The following SRP54 variants were observed in gnomAD, a reference collection of about 807,000 sequenced individuals.
SRP54 encodes the protein signal recognition particle 54.
Under a neutral mutation model 64.8 loss-of-function variants are expected in SRP54, and 10 were observed. The observed-to-expected ratio is 0.15, with a 90% CI of 0.10 to 0.26. The LOEUF (loss-of-function observed/expected upper bound fraction) is 0.26. Among genes scored for constraint, SRP54 ranks in the 10% least tolerant of loss-of-function variants. SRP54 has a pLI of 1.00. For missense variants in SRP54, 325 were observed against 613.7 expected (o/e 0.53, Z 4.97); for synonymous variants, 193 against 185.6 (o/e 1.04, Z -0.32).
intron 2 of SRP54, among the ~76,000 whole-genome samples, chr14:34,998,848 G>C (rs1025574873): frequency 6.6e-6 from 1 of 150,980 alleles, no homozygotes; most frequent in Non-Finnish European, 1.5e-5. Flanking sequence ...AGCAAATATT[G>C]TAACTATATA....
intron 11 of SRP54, 62 bp downstream of exon 11, chr14:35,014,892 T>A (rs1473386416): frequency 3.2e-6 from 4 of 1,263,694 alleles, no homozygotes; most frequent in Non-Finnish European, 1.1e-6. Flanking sequence ...TTTTATAAAG[T>A]TACTATTAAG....
chr14:34,984,186 T>A (rs944122733), intron 1 of SRP54, among the ~76,000 whole-genome samples: 1 of 152,184 alleles, frequency 6.6e-6, no homozygotes, highest in African/African-American at 2.4e-5. Context: ...TCTTCAAGTC[T>A]TCCTTCCAGA....
intron 7 of SRP54, among the ~76,000 whole-genome samples, chr14:35,011,300 A>G (rs2044353560): frequency 6.6e-6 from 1 of 152,214 alleles, no homozygotes; most frequent in Admixed American, 6.5e-5. Context: ...GTAGAATCAT[A>G]CTGGGTTTTG....
Position 34,988,574 on chromosome 14 carries a change from A to T in SRP54, c.-34+5359A>T, listed in dbSNP as rs1355904112. Among the ~76,000 whole-genome samples, 80 of 98,498 alleles carry T rather than the reference A, an allele frequency of 8.1e-4. 4 individuals carry two copies. The highest frequency in any genetic ancestry group is 2.4e-3 in the African/African-American group (74 of 30,540). 64.6% of individuals were successfully genotyped at this position (98,498 alleles called of 152,430 possible). ...AGACTCCATCTCAAAAAAAAAAAAA[A>T]AAAAATATATATATATATATAACAT... On this transcript the variant is annotated intron_variant, in intron 1 of 15. Transcript: ENST00000216774.
chr14:34,987,516 C>A (rs552197769), intron 1 of SRP54, among the ~76,000 whole-genome samples: 13 of 152,032 alleles, frequency 8.6e-5, no homozygotes, highest in Non-Finnish European at 1.6e-4. Flanking sequence ...GTATTCTGAA[C>A]AATTCATGTG....
intron 5 of SRP54, among the ~76,000 whole-genome samples, chr14:35,008,379 AGTT>A (rs1386991329): frequency 2.0e-5 from 3 of 152,180 alleles, no homozygotes; most frequent in Middle Eastern, 3.2e-3. Context: ...CATTAATAGT[AGTT>A]AACATTTTTT....
rs570289975 is a variant in SRP54 at position 35,004,601 on chromosome 14, C to G, written c.256-2682C>G. On this transcript the variant is annotated intron_variant, in intron 4 of 15. Coordinates refer to ENST00000216774, the MANE Select transcript of SRP54 (RefSeq NM_003136.4). Reference sequence around the variant, plus strand: ...CATGATTATAAAGAAGCCCTGAGACCAAGAAGTTGAAAACTGCTGTTCTTG... The same window carrying G: ...CATGATTATAAAGAAGCCCTGAGACGAAGAAGTTGAAAACTGCTGTTCTTG... 6 of 152,208 alleles carry G rather than the reference C, an allele frequency of 3.9e-5. No homozygotes were observed. In the East Asian group the frequency reaches 9.6e-4, roughly 24 times the overall value. 9.4% of individuals were successfully genotyped at this position (152,208 alleles called of 1,614,324 possible).
In SRP54 at chr14:35,014,286, T is replaced by TG. The variant is rs570630401; in HGVS notation, c.886+384_886+385insG. 4.7e-4 allele frequency among the ~76,000 whole-genome samples: 48 copies of TG among 102,556 alleles called. 2 individuals are homozygous for TG. In the East Asian group the frequency reaches 5.6e-3, roughly 12 times the overall value. The allele number at this position is 102,556 out of a possible 152,430, so 67.3% of individuals were successfully genotyped here. A position where few individuals can be genotyped will look rare whatever the true frequency, so the allele number is the denominator to read the frequency against. Reference sequence around the variant, plus strand: ...TTGTTGCCACTTAACTTTTTTTTTTTTTTTTTTTGAGACGGAGTTTCGCTC... The same window carrying TG: ...TTGTTGCCACTTAACTTTTTTTTTTTGTTTTTTTTGAGACGGAGTTTCGCTC... On this transcript the variant is annotated intron_variant, in intron 10 of 15. Transcript: ENST00000216774.
At chr14:34,991,369 A>G (rs903450515) in intron 1 of SRP54, among the ~76,000 whole-genome samples, 9 of 151,802 alleles carry the variant, frequency 5.9e-5, no homozygotes, top group African/African-American at 1.7e-4. Context: ...ACCTCAGGCA[A>G]TCCACTCACC....
intron 10 of SRP54, among the ~76,000 whole-genome samples, chr14:35,014,158 A>G (rs545243729): frequency 6.6e-6 from 1 of 152,108 alleles, no homozygotes; most frequent in African/African-American, 2.4e-5. Context: ...ATAATAGTGG[A>G]TGTAAGGGCA....
chr14:35,007,916 G>GAT (rs1566649808), intron 5 of SRP54, among the ~76,000 whole-genome samples: 1 of 150,834 alleles, frequency 6.6e-6, no homozygotes, highest in African/African-American at 2.4e-5. Flanking sequence ...AGTTTCTTAT[G>GAT]ATTTTTTTTT....
intron 1 of SRP54, among the ~76,000 whole-genome samples, chr14:34,986,857 C>T (rs1298035096): frequency 6.8e-6 from 1 of 147,776 alleles, no homozygotes; most frequent in Non-Finnish European, 1.5e-5. Flanking sequence ...CCAGTGGGCA[C>T]AGAGTGAGAC....
intron 1 of SRP54, among the ~76,000 whole-genome samples, chr14:34,985,082 A>G (rs967836833): frequency 6.6e-5 from 10 of 152,180 alleles, no homozygotes; most frequent in Non-Finnish European, 7.3e-5. Flanking sequence ...TGTAATCCCA[A>G]TACTTTGGGA....
Position 35,029,325 on chromosome 14 carries a change from C to A in SRP54, c.*173C>A. ...CCTTTTCTTTTTCCTTCCTTCTTTC[C>A]TCCCTTTAATATAAGGGAGAAATAC... On this transcript the variant is annotated 3_prime_UTR_variant, in exon 16 of 16. Transcript: ENST00000216774. 1 of 494,366 alleles carries A rather than the reference C, an allele frequency of 2.0e-6. No homozygotes were observed. The highest frequency in any genetic ancestry group is 3.6e-6 in the Non-Finnish European group (1 of 280,422). The allele number at this position is 494,366 out of a possible 1,614,324, so 30.6% of individuals were successfully genotyped here.
At chr14:34,995,157 G>GTGTGTGTGTT (rs2044050270) in intron 1 of SRP54, among the ~76,000 whole-genome samples, 2 of 140,236 alleles carry the variant, frequency 1.4e-5, no homozygotes, top group African/African-American at 5.2e-5. Context: ...GTGTGTGTGT[G>GTGTGTGTGTT]TGTGTGTGTG....
intron 4 of SRP54, among the ~76,000 whole-genome samples, chr14:35,005,641 C>A (rs2044244626): frequency 6.6e-6 from 1 of 152,090 alleles, no homozygotes; most frequent in African/African-American, 2.4e-5. Flanking sequence ...ATGAATCCTC[C>A]TCCTTTGTCC....
At chr14:35,024,036 A>C (rs1448418839) in intron 14 of SRP54, among the ~76,000 whole-genome samples, 1 of 151,928 alleles carries the variant, frequency 6.6e-6, no homozygotes, top group Non-Finnish European at 1.5e-5. Flanking sequence ...TTCTTTATTT[A>C]TATTATTTTG....
chr14:34,995,188 T>G (rs866380343), intron 1 of SRP54, among the ~76,000 whole-genome samples: 8 of 79,900 alleles, frequency 1.0e-4, no homozygotes, highest in Admixed American at 3.1e-4. Context: ...TGTGTGTGTG[T>G]AGAGAGAGAG....
rs1402659407 is a variant in SRP54, at chr14:35,010,143, G to A, written c.485+1312G>A. On this transcript the variant is annotated intron_variant, in intron 7 of 15. Coordinates refer to ENST00000216774, the MANE Select transcript of SRP54 (RefSeq NM_003136.4). ...AGCCTGGGTGACAGAGCTAGACACC[G>A]TTTAAAAAAAAAAATTTTTTTAGGC... 3.3e-5 allele frequency among the ~76,000 whole-genome samples: 5 copies of A among 150,258 alleles called. No homozygotes were observed. The East Asian group carries it at 8.0e-4, about 24-fold the overall frequency.
Sources: gnomAD v4.1 joint callset for allele counts (sites outside exome capture counted in the v4.1 genomes callset) on GRCh38, gnomAD v4.1.1 for gene constraint, MANE v1.5 for transcripts, NCBI Gene and HGNC (gene_info 2026-07-23, HGNC 2026-07-21) for gene names.